RAB6A: variants seen among roughly 807,000 people sequenced by gnomAD.
RAB6A encodes ras-related protein Rab-6A.
Under a neutral mutation model 32.3 loss-of-function variants are expected in RAB6A, and 8 were observed. The ratio of observed to expected loss-of-function variants is 0.25; its 90% confidence interval spans 0.15 to 0.45. RAB6A has a LOEUF of 0.45. RAB6A is among the 20% of genes least tolerant of loss of function. The pLI is 1.00. For synonymous variants in RAB6A, 73 were observed against 82.1 expected (o/e 0.89, Z 0.60); for missense variants, 104 against 249.4 (o/e 0.42, Z 3.93).
At chr11:73,726,716 C>T (rs1946229620) in intron 2 of RAB6A, among the ~76,000 whole-genome samples, 1 of 145,558 alleles carries the variant, frequency 6.9e-6, no homozygotes, top group Admixed American at 6.9e-5. Context: ...CACCACTGCA[C>T]TCCAGCCTGG....
intron 2 of RAB6A, chr11:73,722,327 ATATATATATATATATATT>A (rs1328748201): frequency 7.5e-4 from 9 of 11,964 alleles, no homozygotes; most frequent in East Asian, 2.4e-3. Flanking sequence ...ATATATATAT[ATATATATATATATATATT>A]TTTTTTTTTT....
At chr11:73,759,639 A>G (rs558913404) in intron 1 of RAB6A, among the ~76,000 whole-genome samples, 221 of 152,318 alleles carry the variant, frequency 1.5e-3, no homozygotes, top group Non-Finnish European at 2.5e-3. Context: ...ATATCATTGG[A>G]AAATACTCAA....
Position 73,691,475 on chromosome 11 carries a change from T to C in RAB6A, c.496-11755A>G, listed in dbSNP as rs1352799858. The stretch of plus-strand genomic sequence containing the variant: ...AAATATATACTCCAAGTAGCACCAG[T>C]AGTTCTTTCAGAGTTATTTACTGCA... On this transcript the variant is annotated intron_variant, in intron 6 of 7. Transcript: ENST00000336083. 3.3e-5 allele frequency among the ~76,000 whole-genome samples: 5 copies of C among 152,348 alleles called. 1 individual carries two copies. Among genetic ancestry groups the C allele is most frequent in the Middle Eastern group, 6.8e-3 (2 of 294 alleles).
At chr11:73,750,205 C>G (rs906592203) in intron 1 of RAB6A, among the ~76,000 whole-genome samples, 1 of 152,042 alleles carries the variant, frequency 6.6e-6, no homozygotes, top group African/African-American at 2.4e-5. Flanking sequence ...AATCTCACAA[C>G]GGACAGGATA....
intron 6 of RAB6A, among the ~76,000 whole-genome samples, chr11:73,701,916 G>A (rs1945752034): frequency 6.6e-6 from 1 of 152,082 alleles, no homozygotes; most frequent in Non-Finnish European, 1.5e-5. Flanking sequence ...AAAGCGCTGG[G>A]AATACAGGCC....
At chr11:73,719,746 G>C (rs1457784428) in intron 3 of RAB6A, among the ~76,000 whole-genome samples, 2 of 151,796 alleles carry the variant, frequency 1.3e-5, no homozygotes, top group East Asian at 3.9e-4. Flanking sequence ...CTCCCGAGTA[G>C]CTGGGATTAC....
chr11:73,694,116 G>A (rs1945620090), intron 6 of RAB6A, among the ~76,000 whole-genome samples: 2 of 152,288 alleles, frequency 1.3e-5, no homozygotes, highest in Admixed American at 6.5e-5. Flanking sequence ...AACTGATGTG[G>A]GGTGGGGCTG....
chr11:73,739,304 T>TATATACATATATATATATATATATATAA (rs375733945), intron 1 of RAB6A, among the ~76,000 whole-genome samples: 3 of 31,860 alleles, frequency 9.4e-5, no homozygotes, highest in African/African-American at 1.6e-4. Flanking sequence ...TATATATATA[T>TATATACATATATATATATATATATATAA]AAATACTGGA....
chr11:73,751,815 A>C (rs780842287), intron 1 of RAB6A, among the ~76,000 whole-genome samples: 2 of 152,182 alleles, frequency 1.3e-5, no homozygotes, highest in Non-Finnish European at 2.9e-5. Context: ...CAGTGCACTG[A>C]GTAATTCTTC....
intron 2 of RAB6A, chr11:73,730,296 G>A (rs2056649): frequency 0.9 from 138,352 of 152,894 alleles, 62,888 homozygotes; most frequent in East Asian, 1. Context: ...CTTTTTTATT[G>A]ATCTCAAAGC....
chr11:73,759,127 T>C (rs1456585515), intron 1 of RAB6A, among the ~76,000 whole-genome samples: 6 of 152,212 alleles, frequency 3.9e-5, no homozygotes, highest in Admixed American at 3.3e-4. Flanking sequence ...CGAATTTATA[T>C]CACTTACATG....
chr11:73,742,054 G>A (rs540230043), intron 1 of RAB6A, among the ~76,000 whole-genome samples: 204 of 152,308 alleles, frequency 1.3e-3, no homozygotes, highest in African/African-American at 4.6e-3. Flanking sequence ...GGCTGAGGCA[G>A]GTGGATTACT....
intron 1 of RAB6A, among the ~76,000 whole-genome samples, chr11:73,750,882 T>C (rs1946660903): frequency 6.6e-6 from 1 of 152,006 alleles, no homozygotes; most frequent in Non-Finnish European, 1.5e-5. Flanking sequence ...GGTGACACAA[T>C]CAAGACTCAC....
At chr11:73,708,732 AC>A (rs1225515214) in intron 5 of RAB6A, among the ~76,000 whole-genome samples, 2 of 152,166 alleles carry the variant, frequency 1.3e-5, no homozygotes, top group Non-Finnish European at 2.9e-5. Context: ...CAGCTGACAA[AC>A]CCTGCTTCCT....
chr11:73,680,904 T>C (rs1945346376), intron 6 of RAB6A, among the ~76,000 whole-genome samples: 1 of 152,168 alleles, frequency 6.6e-6, no homozygotes, highest in Admixed American at 6.6e-5. Context: ...CACTCAAGCC[T>C]GGTGAGATGT....
chr11:73,721,697 C>T (rs78138654), intron 2 of RAB6A, among the ~76,000 whole-genome samples: 3,202 of 152,174 alleles, frequency 0.021, 114 homozygotes, highest in African/African-American at 0.072. Context: ...AGAAGTTTTA[C>T]CACCTCATTA....
intron 1 of RAB6A, among the ~76,000 whole-genome samples, chr11:73,755,845 AAAG>A (rs1178253799): frequency 1.6e-5 from 2 of 128,384 alleles, no homozygotes; most frequent in African/African-American, 2.6e-5. Context: ...GAAGGAAGAG[AAAG>A]AAGAGGAGGA....
intron 4 of RAB6A, among the ~76,000 whole-genome samples, chr11:73,717,231 TAAC>T (rs1946065737): frequency 6.6e-6 from 1 of 152,254 alleles, no homozygotes; most frequent in African/African-American, 2.4e-5. Flanking sequence ...CGTTATTAGA[TAAC>T]AATTCCTAAT....
chr11:73,731,707 T>TATATATATA (rs1946309498), intron 1 of RAB6A, among the ~76,000 whole-genome samples: 1 of 18,928 alleles, frequency 5.3e-5, no homozygotes, highest in African/African-American at 1.6e-4. Context: ...TATATATATA[T>TATATATATA]ATATATATAT....
Sources: gnomAD v4.1 joint callset for allele counts (sites outside exome capture counted in the v4.1 genomes callset) on GRCh38, gnomAD v4.1.1 for gene constraint, MANE v1.5 for transcripts, NCBI Gene and HGNC (gene_info 2026-07-23, HGNC 2026-07-21) for gene names.